Variants in ARHGAP26 observed in about 807,000 individuals in gnomAD.
ARHGAP26 encodes Rho GTPase activating protein 26.
ARHGAP26 carries 38 observed loss-of-function variants against 104.8 expected under a neutral mutation model. That is an observed-to-expected ratio of 0.36 (90% CI 0.28 to 0.48). The LOEUF (loss-of-function observed/expected upper bound fraction) is 0.48, where lower values mean the gene tolerates loss of function less well. Among genes scored for constraint, ARHGAP26 ranks in the 20% least tolerant of loss-of-function variants. ARHGAP26 has a pLI of 0.99. For synonymous variants in ARHGAP26, 341 were observed against 340.0 expected (o/e 1.00, Z -0.03); for missense variants, 704 against 947.9 (o/e 0.74, Z 3.38).
intron 17 of ARHGAP26, among the ~76,000 whole-genome samples, chr5:143,059,614 T>C (rs1786397287): frequency 6.6e-6 from 1 of 152,190 alleles, no homozygotes; most frequent in Admixed American, 6.5e-5. Context: ...AACCTAAGAG[T>C]TGTAAACTGG....
chr5:143,109,950 T>A (rs576754266), intron 17 of ARHGAP26, among the ~76,000 whole-genome samples: 1 of 152,234 alleles, frequency 6.6e-6, no homozygotes, highest in Non-Finnish European at 1.5e-5. Flanking sequence ...AAGTCCATTA[T>A]GTCTCTGACT....
At chr5:143,133,895 T>C (rs1797634123) in intron 18 of ARHGAP26, 72 bp from the exon 19 acceptor site, 3 of 1,438,652 alleles carry the variant, frequency 2.1e-6, no homozygotes, top group Non-Finnish European at 2.8e-6. Context: ...AGCTTTCCGT[T>C]GTACTGCTTC....
intron 11 of ARHGAP26, among the ~76,000 whole-genome samples, chr5:142,963,183 T>TATATATATATATATATAC (rs1770617984): frequency 1.9e-5 from 2 of 107,428 alleles, no homozygotes; most frequent in African/African-American, 1.0e-4. Context: ...TATATATATA[T>TATATATATATATATATAC]ATATATATAT....
intron 17 of ARHGAP26, among the ~76,000 whole-genome samples, chr5:143,116,985 A>G (rs1485690482): frequency 2.6e-5 from 4 of 152,202 alleles, no homozygotes; most frequent in Non-Finnish European, 2.9e-5. Context: ...ATCACATGCA[A>G]AACTGTTTCT....
rs1785499572 is a variant in ARHGAP26 at position 143,054,407 on chromosome 5, G to T, written c.1286-32G>T. 2.6e-6 allele frequency: 4 copies of T among 1,511,408 alleles called. No individual in the cohort carries two copies. In the African/African-American group the frequency reaches 4.1e-5, roughly 16 times the overall value. The allele number at this position is 1,511,408 out of a possible 1,614,324, so 93.6% of individuals were successfully genotyped here. ...TTATTTATTAGTTCCATTTTATGCT[G>T]TGCTTTATGTATTGTCTTTTCTTCA... On this transcript the variant is annotated intron_variant, in intron 14 of 22. Transcript: ENST00000645722.
At chr5:143,060,409 A>G (rs1028966870) in intron 17 of ARHGAP26, among the ~76,000 whole-genome samples, 1 of 152,140 alleles carries the variant, frequency 6.6e-6, no homozygotes, top group Non-Finnish European at 1.5e-5. Flanking sequence ...GGCATTTTAT[A>G]TTTAATCCCA....
Position 142,932,047 on chromosome 5 carries a change from G to T in ARHGAP26, c.1029G>T (p.Arg343Ser), listed in dbSNP as rs1424283292. 6.2e-7 allele frequency: 1 copy of T among 1,614,000 alleles called. No homozygotes were observed. Among genetic ancestry groups the T allele is most frequent in the Non-Finnish European group, 8.5e-7 (1 of 1,179,900 alleles). The change falls in exon 11 of 23, where the codon AGG becomes AGT. Residue 343 changes from arginine to serine, a missense_variant and splice_region_variant. Physicochemically the swap from Arg to Ser is moderately radical, Grantham distance 110. Transcript: ENST00000645722. ...ATCCATGTCCCTCCTTTCTCTGCAG[G>T]CCAGGGGTTATCACCATGCAAGCTT... The part of the protein sequence containing the change: ...RFCFDVEAVD[R>S]PGVITMQALS...
intron 11 of ARHGAP26, among the ~76,000 whole-genome samples, chr5:143,004,692 C>G (rs75903547): frequency 0.027 from 4,187 of 152,270 alleles, 81 homozygotes; most frequent in Middle Eastern, 0.051. Flanking sequence ...CATCACTGCC[C>G]TTTGAGAATC....
chr5:143,198,243 T>C (rs926837355), intron 20 of ARHGAP26, among the ~76,000 whole-genome samples: 4 of 152,216 alleles, frequency 2.6e-5, no homozygotes, highest in African/African-American at 9.6e-5. Context: ...TAAGGAAGTA[T>C]TGGGATTTCT....
intron 5 of ARHGAP26, among the ~76,000 whole-genome samples, chr5:142,888,837 T>A (rs959875135): frequency 1.3e-5 from 2 of 152,218 alleles, no homozygotes; most frequent in Non-Finnish European, 2.9e-5. Context: ...AAATGAAGGA[T>A]CTTCTTTCAT....
intron 17 of ARHGAP26, among the ~76,000 whole-genome samples, chr5:143,085,154 C>T (rs1231611632): frequency 6.6e-6 from 1 of 151,816 alleles, no homozygotes; most frequent in Non-Finnish European, 1.5e-5. Context: ...ACTCTTGATT[C>T]GCTTGTTTTT....
intron 1 of ARHGAP26, among the ~76,000 whole-genome samples, chr5:142,861,655 A>C (rs1753379151): frequency 6.6e-6 from 1 of 152,160 alleles, no homozygotes; most frequent in Middle Eastern, 3.2e-3. Context: ...TATTTATTAA[A>C]TATATATGTA....
chr5:143,071,939 A>G (rs1162082338), intron 17 of ARHGAP26, among the ~76,000 whole-genome samples: 2 of 152,152 alleles, frequency 1.3e-5, no homozygotes, highest in African/African-American at 4.8e-5. Flanking sequence ...TTTGATGTCA[A>G]AGTCCCATTG....
intron 1 of ARHGAP26, among the ~76,000 whole-genome samples, chr5:142,791,375 T>G (rs1327088780): frequency 6.6e-6 from 1 of 152,190 alleles, no homozygotes; most frequent in Non-Finnish European, 1.5e-5. Context: ...TCATTCTGTT[T>G]CTCTCTTAGG....
chr5:143,183,829 C>T (rs1355782970), intron 20 of ARHGAP26, among the ~76,000 whole-genome samples: 1 of 152,196 alleles, frequency 6.6e-6, no homozygotes, highest in Admixed American at 6.5e-5. Context: ...TGTCGTGCTC[C>T]TAAGCAGGCA....
intron 12 of ARHGAP26, among the ~76,000 whole-genome samples, chr5:143,033,402 T>A (rs1265329609): frequency 1.3e-5 from 2 of 152,204 alleles, no homozygotes; most frequent in Non-Finnish European, 2.9e-5. Context: ...TCTGGATGTA[T>A]TTGGAAGCGT....
Position 142,968,110 on chromosome 5 carries a change from C to T in ARHGAP26, c.1107+35985C>T, listed in dbSNP as rs559935150. On this transcript the variant is annotated intron_variant, in intron 11 of 22. Coordinates refer to ENST00000645722, the MANE Select transcript of ARHGAP26 (RefSeq NM_001135608.3). Reference sequence around the variant, plus strand: ...CCTATTCCTCCACCACCATTACCACCACCATCATCATCCCTTTTATTATTA... The same window carrying T: ...CCTATTCCTCCACCACCATTACCACTACCATCATCATCCCTTTTATTATTA... Among the ~76,000 whole-genome samples the T allele has an allele frequency of 3.3e-5, 5 of 152,350 alleles. 1 individual carries two copies. The East Asian group carries it at 9.6e-4, about 29-fold the overall frequency.
chr5:142,973,041 G>C (rs1772509056), intron 11 of ARHGAP26, among the ~76,000 whole-genome samples: 1 of 151,900 alleles, frequency 6.6e-6, no homozygotes, highest in African/African-American at 2.4e-5. Flanking sequence ...TTGTTAATAA[G>C]GATTGATTTG....
intron 12 of ARHGAP26, among the ~76,000 whole-genome samples, chr5:143,036,858 A>T (rs1782719860): frequency 6.6e-6 from 1 of 152,220 alleles, no homozygotes; most frequent in African/African-American, 2.4e-5. Context: ...AGCTTCTGTT[A>T]ATAGCAGAGC....
Sources: gnomAD v4.1 joint callset for allele counts (sites outside exome capture counted in the v4.1 genomes callset) on GRCh38, gnomAD v4.1.1 for gene constraint, MANE v1.5 for transcripts, NCBI Gene and HGNC (gene_info 2026-07-23, HGNC 2026-07-21) for gene names.